GRIK2: variants seen among roughly 807,000 people sequenced by gnomAD.
GRIK2 encodes glutamate ionotropic receptor kainate type subunit 2.
A neutral mutation model predicts 100.3 loss-of-function variants in GRIK2; 32 were observed. The ratio of observed to expected loss-of-function variants is 0.32; its 90% CI spans 0.24 to 0.43. The LOEUF (loss-of-function observed/expected upper bound fraction) is 0.43. Among genes scored for constraint, GRIK2 ranks in the 20% least tolerant of loss-of-function variants. The pLI, the probability that GRIK2 is intolerant of heterozygous loss-of-function variation, is 1.00. For missense variants in GRIK2, 843 were observed against 1,114.9 expected (o/e 0.76, Z 3.47); for synonymous variants, 417 against 389.4 (o/e 1.07, Z -0.83).
At chr6:102,036,686 G>GT (rs1770292127) in intron 15 of GRIK2, among the ~76,000 whole-genome samples, 1 of 151,318 alleles carries the variant, frequency 6.6e-6, no homozygotes, top group African/African-American at 2.4e-5. Flanking sequence ...GAAATGCCAG[G>GT]TGACCTTTAG....
At chr6:101,993,146 T>G (rs894470010) in intron 14 of GRIK2, 2 of 151,256 alleles carry the variant, frequency 1.3e-5, no homozygotes, top group South Asian at 2.1e-4. Flanking sequence ...AAACCATTCT[T>G]ACTCTACATA....
At chr6:101,711,749 G>A (rs577467945) in intron 7 of GRIK2, among the ~76,000 whole-genome samples, 1 of 151,726 alleles carries the variant, frequency 6.6e-6, no homozygotes, top group Non-Finnish European at 1.5e-5. Flanking sequence ...TTCTGTTAAG[G>A]TCTAAACTGA....
At chr6:101,401,958 C>A (rs1278693109) in intron 2 of GRIK2, among the ~76,000 whole-genome samples, 1 of 152,126 alleles carries the variant, frequency 6.6e-6, no homozygotes, top group Non-Finnish European at 1.5e-5. Context: ...AGCCGCCAGG[C>A]GCCTCCGCCG....
intron 2 of GRIK2, among the ~76,000 whole-genome samples, chr6:101,547,160 C>T (rs2128290859): frequency 6.6e-6 from 1 of 151,754 alleles, no homozygotes; most frequent in East Asian, 2.0e-4. Context: ...ATGCCTCATT[C>T]TGATATAAAC....
At chr6:101,404,613 T>C (rs1775500956) in intron 2 of GRIK2, among the ~76,000 whole-genome samples, 1 of 152,220 alleles carries the variant, frequency 6.6e-6, no homozygotes, top group South Asian at 2.1e-4. Flanking sequence ...CATACTTAAA[T>C]TATTAATCTA....
At chr6:101,660,030 T>G (rs2128333280) in intron 4 of GRIK2, among the ~76,000 whole-genome samples, 1 of 152,310 alleles carries the variant, frequency 6.6e-6, no homozygotes, top group East Asian at 1.9e-4. Context: ...CTTGCTAGGT[T>G]GGGGAAGTTC....
intron 2 of GRIK2, among the ~76,000 whole-genome samples, chr6:101,589,466 A>G (rs957123197): frequency 3.3e-5 from 5 of 152,084 alleles, no homozygotes; most frequent in African/African-American, 1.2e-4. Flanking sequence ...CACCACAACT[A>G]TTCTAGCTGC....
chr6:101,575,093 T>C (rs1777733085), intron 2 of GRIK2, among the ~76,000 whole-genome samples: 1 of 151,818 alleles, frequency 6.6e-6, no homozygotes, highest in Admixed American at 6.6e-5. Context: ...TAGAATAATT[T>C]TATTGCCTCT....
chr6:101,878,078 T>C (rs1430593777), intron 11 of GRIK2, among the ~76,000 whole-genome samples: 1 of 52,040 alleles, frequency 1.9e-5, no homozygotes, highest in African/African-American at 9.2e-5. Flanking sequence ...AGGTATATTA[T>C]ATTATATTAT....
At chr6:101,629,255 T>A (rs1468644416) in intron 4 of GRIK2, among the ~76,000 whole-genome samples, 1 of 152,158 alleles carries the variant, frequency 6.6e-6, no homozygotes, top group African/African-American at 2.4e-5. Context: ...TTGAAAAGTC[T>A]GATTAGTTAA....
At chr6:101,845,047 C>T (rs1783729616) in intron 10 of GRIK2, among the ~76,000 whole-genome samples, 1 of 151,724 alleles carries the variant, frequency 6.6e-6, no homozygotes, top group African/African-American at 2.4e-5. Context: ...GAGACAGGGT[C>T]CCATTCTCTG....
chr6:101,965,790 G>C (rs1048517717), intron 14 of GRIK2, among the ~76,000 whole-genome samples: 32 of 151,980 alleles, frequency 2.1e-4, no homozygotes. Context: ...AGTATAGGAG[G>C]TAGGAGGAAG....
At chr6:101,971,304 G>A (rs568276468) in intron 14 of GRIK2, among the ~76,000 whole-genome samples, 2 of 152,050 alleles carry the variant, frequency 1.3e-5, no homozygotes, top group East Asian at 3.9e-4. Context: ...AGTGATATAT[G>A]TGTTTATATT....
chr6:101,980,344 G>A (rs1562085132), intron 14 of GRIK2, among the ~76,000 whole-genome samples: 2 of 152,058 alleles, frequency 1.3e-5, no homozygotes, highest in Admixed American at 1.3e-4. Flanking sequence ...AAGAGGGAGA[G>A]CTCTTTTTTG....
At chr6:101,714,095 CAT>C (rs1476527879) in intron 7 of GRIK2, among the ~76,000 whole-genome samples, 1 of 151,634 alleles carries the variant, frequency 6.6e-6, no homozygotes, top group Non-Finnish European at 1.5e-5. Flanking sequence ...TTTAGAGTAA[CAT>C]ATGCATTTAT....
rs536030894 is a variant in GRIK2 at position 101,573,497 on chromosome 6, C to T, written c.116-48452C>T. ...TGCAGAGAATCAGCTCTAATACTCA[C>T]GTTGTTTCATAATCCAGTTCTTTTC... is the stretch of plus-strand genomic sequence containing the variant. On this transcript the variant is annotated intron_variant, in intron 2 of 16. Transcript: ENST00000369134. Among the ~76,000 whole-genome samples the T allele has an allele frequency of 5.9e-5, 9 of 152,262 alleles. No homozygotes were observed. The South Asian group carries it at 1.4e-3, about 25-fold the overall frequency.
chr6:101,988,128 TGTGTGC>T (rs1409336438), intron 14 of GRIK2, among the ~76,000 whole-genome samples: 1,048 of 19,818 alleles, frequency 0.053, 4 homozygotes, highest in Middle Eastern at 0.17. Context: ...TGTGTGTGTG[TGTGTGC>T]GCGCGCGCGC....
chr6:101,583,838 T>G (rs554239002), intron 2 of GRIK2, among the ~76,000 whole-genome samples: 1 of 152,126 alleles, frequency 6.6e-6, no homozygotes, highest in Non-Finnish European at 1.5e-5. Flanking sequence ...CCTGGAAAGA[T>G]GGGAATTTAA....
chr6:101,881,443 TA>T (rs1033851482), intron 11 of GRIK2, among the ~76,000 whole-genome samples: 35 of 151,882 alleles, frequency 2.3e-4, no homozygotes, highest in Non-Finnish European at 4.6e-4. Context: ...TCATGAACAA[TA>T]AAAATGACAG....
Sources: allele counts gnomAD v4.1 joint callset (sites outside exome capture counted in the v4.1 genomes callset), GRCh38; gene constraint gnomAD v4.1.1; transcripts MANE v1.5; gene names NCBI Gene and HGNC (gene_info 2026-07-23, HGNC 2026-07-21).